EED: variants seen among roughly 807,000 people sequenced by gnomAD.
EED encodes embryonic ectoderm development, also known as polycomb protein EED.
A neutral mutation model predicts 61.0 loss-of-function variants in EED; 9 were observed. The observed-to-expected ratio is 0.15, with a 90% CI of 0.09 to 0.26. EED has a LOEUF of 0.26. Among genes scored for constraint, EED ranks in the 10% least tolerant of loss-of-function variants. The pLI is 1.00. For missense variants in EED, 315 were observed against 542.3 expected, an observed-to-expected ratio of 0.58 and a Z score of 4.16; for synonymous variants, 187 against 174.4, an observed-to-expected ratio of 1.07 and a Z score of -0.57.
At chr11:86,275,538 A>G (rs1946208885) in intron 9 of EED, among the ~76,000 whole-genome samples, 1 of 152,246 alleles carries the variant, frequency 6.6e-6, no homozygotes, top group Non-Finnish European at 1.5e-5. Flanking sequence ...GCAGCCATCC[A>G]TTAGCTCTGG....
At chr11:86,262,635 C>T (rs762273645) in intron 6 of EED, among the ~76,000 whole-genome samples, 5 of 151,880 alleles carry the variant, frequency 3.3e-5, no homozygotes, top group Admixed American at 6.6e-5. Context: ...TTCAGCCTCC[C>T]GAGTAGCTGG....
At chr11:86,267,710 C>G (rs1375182608) in intron 8 of EED, among the ~76,000 whole-genome samples, 1 of 151,884 alleles carries the variant, frequency 6.6e-6, no homozygotes, top group Admixed American at 6.6e-5. Flanking sequence ...AAGCGATTCT[C>G]CTGCCTCAGC....
chr11:86,261,399 G>A (rs759158465), intron 6 of EED, among the ~76,000 whole-genome samples: 6 of 151,766 alleles, frequency 4.0e-5, no homozygotes, highest in Non-Finnish European at 8.8e-5. Context: ...CAGAGGCCTT[G>A]GGCAGCCCCA....
chr11:86,278,152 T>G lies in EED; in HGVS notation c.1199+161T>G. ...TATTCTTTTTTATTCCAATAATTTT[T>G]GTTTTTCCTAAGTACCTTGGTGACA... On this transcript the variant is annotated intron_variant, in intron 11 of 11. Transcript: ENST00000263360. The G allele has an allele frequency of 2.3e-6, 3 of 1,332,964 alleles. No individual in the cohort carries two copies. The South Asian group carries it at 7.4e-5, about 33-fold the overall frequency. 82.6% of individuals were successfully genotyped at this position (1,332,964 alleles called of 1,614,324 possible). A position where few individuals can be genotyped will look rare whatever the true frequency, so the allele number is the denominator to read the frequency against.
downstream of EED, among the ~76,000 whole-genome samples, chr11:86,283,550 A>G (rs1235539962): frequency 6.6e-6 from 1 of 152,232 alleles, no homozygotes; most frequent in Non-Finnish European, 1.5e-5. Context: ...CTTTCATGTA[A>G]CAGGGGTCAG....
Position 86,278,593 on chromosome 11 carries a change from C to A in EED, c.*68C>A. 1.9e-6 allele frequency: 3 copies of A among 1,572,484 alleles called. No homozygotes were observed. Among genetic ancestry groups the A allele is most frequent in the Non-Finnish European group, 2.6e-6 (3 of 1,155,732 alleles). ...TGTAAAATAGAATTAATGTATCTTG[C>A]TAGTAAGGGCACGTAGAGCATTTAG... On this transcript the variant is annotated 3_prime_UTR_variant, in exon 12 of 12. Coordinates refer to ENST00000263360, the MANE Select transcript of EED (RefSeq NM_003797.5).
In EED at chr11:86,278,554, GTGTT is replaced by G. The variant is rs1385274620; in HGVS notation, c.*34_*37del. The G allele has an allele frequency of 1.3e-5, 21 of 1,609,132 alleles. No individual in the cohort carries two copies. The highest frequency in any genetic ancestry group is 1.7e-5 in the Non-Finnish European group (20 of 1,177,250). On this transcript the variant is annotated 3_prime_UTR_variant, in exon 12 of 12. Transcript: ENST00000263360. ...ACTTTTGCCTAATCAAAATTAGAGTGTGTTTGTTGTCTGTGTAAAATAGAATTAA... is the reference window on the plus strand; with the variant it reads ...ACTTTTGCCTAATCAAAATTAGAGTGTGTTGTCTGTGTAAAATAGAATTAA...
At chr11:86,252,505 AT>A (rs1341496459) in intron 3 of EED, among the ~76,000 whole-genome samples, 35 of 55,002 alleles carry the variant, frequency 6.4e-4, no homozygotes, top group South Asian at 3.7e-3. Flanking sequence ...GGTTGAAAGA[AT>A]TGGCGTCCTT....
At chr11:86,275,604 TA>T (rs1259070976) in intron 9 of EED, among the ~76,000 whole-genome samples, 2 of 152,194 alleles carry the variant, frequency 1.3e-5, no homozygotes, top group African/African-American at 2.4e-5. Flanking sequence ...CTCCAGTACT[TA>T]AAAATTCTTC....
chr11:86,256,045 C>T (rs986128281), intron 4 of EED, among the ~76,000 whole-genome samples: 11 of 152,180 alleles, frequency 7.2e-5, no homozygotes, highest in East Asian at 1.9e-4. Flanking sequence ...TAAACTACAG[C>T]GTGCAGGTTG....
chr11:86,257,657 A>G (rs897690423), intron 6 of EED, 61 bp downstream of exon 6: 2 of 1,366,042 alleles, frequency 1.5e-6, no homozygotes, highest in Admixed American at 2.0e-5. Context: ...TGGAGTCACT[A>G]ATGTCAAGAA....
chr11:86,259,593 C>T (rs1945775142), intron 6 of EED, among the ~76,000 whole-genome samples: 1 of 152,172 alleles, frequency 6.6e-6, no homozygotes, highest in Admixed American at 6.5e-5. Flanking sequence ...GCTGGGATTA[C>T]AGGCATGAGC....
chr11:86,278,631 G>A lies in EED; in HGVS notation c.*106G>A. 6.9e-7 allele frequency: 1 copy of A among 1,445,472 alleles called. No individual in the cohort carries two copies. The highest frequency in any genetic ancestry group is 9.3e-7 in the Non-Finnish European group (1 of 1,073,266). The allele number at this position is 1,445,472 out of a possible 1,614,324, so 89.5% of individuals were successfully genotyped here. On this transcript the variant is annotated 3_prime_UTR_variant, in exon 12 of 12. Coordinates refer to ENST00000263360, the MANE Select transcript of EED (RefSeq NM_003797.5). The stretch of plus-strand genomic sequence containing the variant: ...GTAGAGCATTTAGAGTTGTCTTTCA[G>A]CATTCAATCAGGCTGAGCTGAATGT...
chr11:86,278,970 G>GGAT (rs1182745675), downstream of EED, among the ~76,000 whole-genome samples: 1 of 152,054 alleles, frequency 6.6e-6, no homozygotes, highest in Non-Finnish European at 1.5e-5. Context: ...TATAAAACAG[G>GGAT]GATAATAATA....
chr11:86,248,141 G>A (rs1945437695), intron 1 of EED, among the ~76,000 whole-genome samples: 1 of 152,246 alleles, frequency 6.6e-6, no homozygotes, highest in Non-Finnish European at 1.5e-5. Flanking sequence ...TACCATGTCT[G>A]TTGCACAGTA....
chr11:86,260,280 T>G (rs79485645), intron 6 of EED, among the ~76,000 whole-genome samples: 4,759 of 152,242 alleles, frequency 0.031, 242 homozygotes, highest in African/African-American at 0.11. Flanking sequence ...CAGGCTATAG[T>G]AGAGTGATGT....
At chr11:86,273,567 C>T (rs547567567) in intron 9 of EED, among the ~76,000 whole-genome samples, 166 of 152,294 alleles carry the variant, frequency 1.1e-3, no homozygotes, top group African/African-American at 3.8e-3. Context: ...CTTTCTTTAA[C>T]CATTCTTTTA....
At chr11:86,268,389 A>C (rs1946034225) in intron 8 of EED, 67 bp from the exon 9 acceptor site, 1 of 1,075,376 alleles carries the variant, frequency 9.3e-7, no homozygotes, top group Non-Finnish European at 1.3e-6. Context: ...AAATCCAAAA[A>C]TGAAAAAGAG....
chr11:86,269,761 T>C (rs1293572370), intron 9 of EED, among the ~76,000 whole-genome samples: 1 of 152,236 alleles, frequency 6.6e-6, no homozygotes, highest in Non-Finnish European at 1.5e-5. Flanking sequence ...TGGTACAGTT[T>C]GGGACCTTTT....
Sources: gnomAD v4.1 joint callset for allele counts (sites outside exome capture counted in the v4.1 genomes callset) on GRCh38, gnomAD v4.1.1 for gene constraint, MANE v1.5 for transcripts, NCBI Gene and HGNC (gene_info 2026-07-23, HGNC 2026-07-21) for gene names.